MDGA2: variants seen among roughly 807,000 people sequenced by gnomAD.
MDGA2 encodes MAM domain-containing glycosylphosphatidylinositol anchor protein 2.
A neutral mutation model predicts 117.8 loss-of-function variants in MDGA2; 40 were observed. That is an observed-to-expected ratio of 0.34 (90% confidence interval 0.26 to 0.44). The LOEUF (loss-of-function observed/expected upper bound fraction) is 0.44, where lower values mean the gene tolerates loss of function less well. Ranked by LOEUF, MDGA2 falls within the 20% of genes least tolerant of loss-of-function variation. MDGA2 has a pLI of 1.00. For synonymous variants in MDGA2, 452 were observed against 439.0 expected (o/e 1.03, Z -0.37); for missense variants, 1,123 against 1,250.6 (o/e 0.90, Z 1.54).
At chr14:47,256,097 CTTTTTT>C (rs113355073) in intron 2 of MDGA2, among the ~76,000 whole-genome samples, 3 of 136,114 alleles carry the variant, frequency 2.2e-5, no homozygotes, top group African/African-American at 8.1e-5. Flanking sequence ...AATCAAATTT[CTTTTTT>C]TTTTTTTTTC....
chr14:47,026,421 G>T (rs1384383918), intron 8 of MDGA2, among the ~76,000 whole-genome samples: 2 of 151,832 alleles, frequency 1.3e-5, no homozygotes, highest in Non-Finnish European at 2.9e-5. Context: ...AGACCAAAAG[G>T]CATGGGTCTT....
At chr14:47,624,810 T>G (rs1436978203) in intron 1 of MDGA2, among the ~76,000 whole-genome samples, 1 of 152,158 alleles carries the variant, frequency 6.6e-6, no homozygotes, top group African/African-American at 2.4e-5. Flanking sequence ...AGATAAAAAC[T>G]GTAGTACATA....
rs546915645 is a variant in MDGA2 at position 47,565,953 on chromosome 14, G to T, written c.280+108564C>A. ...GTTTGGAGTGGGGGTGGTGTTGCTG[G>T]TGTCTGTGCATGTGTTTGCGCCAGC... On this transcript the variant is annotated intron_variant, in intron 1 of 16. Transcript: ENST00000399232. Among the ~76,000 whole-genome samples the T allele has an allele frequency of 5.3e-5, 8 of 152,330 alleles. No homozygotes were observed. The South Asian group carries it at 1.7e-3, about 32-fold the overall frequency.
chr14:47,101,380 A>C (rs1958095), intron 5 of MDGA2, among the ~76,000 whole-genome samples: 2 of 152,054 alleles, frequency 1.3e-5, no homozygotes, highest in African/African-American at 4.8e-5. Context: ...TGGCAAACAA[A>C]GTTTTCTTGG....
chr14:47,127,582 A>G (rs111259332), intron 5 of MDGA2, among the ~76,000 whole-genome samples: 19 of 152,208 alleles, frequency 1.2e-4, no homozygotes, highest in African/African-American at 4.6e-4. Context: ...TACTTACCAT[A>G]ATTCTAATAC....
At chr14:47,385,991 T>C (rs10467788) in intron 1 of MDGA2, among the ~76,000 whole-genome samples, 109,714 of 152,060 alleles carry the variant, frequency 0.72, 39,856 homozygotes, top group Middle Eastern at 0.82. Flanking sequence ...TATGAAAGCA[T>C]AGATTTCAGC....
intron 1 of MDGA2, among the ~76,000 whole-genome samples, chr14:47,417,940 C>T (rs1892506760): frequency 6.6e-6 from 1 of 152,116 alleles, no homozygotes; most frequent in African/African-American, 2.4e-5. Flanking sequence ...CCTCAAACTC[C>T]TGGGCTCATG....
At chr14:46,957,891 C>A (rs1490091951) in intron 8 of MDGA2, among the ~76,000 whole-genome samples, 1 of 152,178 alleles carries the variant, frequency 6.6e-6, no homozygotes, top group African/African-American at 2.4e-5. Flanking sequence ...CTAGAGCTGA[C>A]TGATCCTTCG....
chr14:47,033,046 T>G (rs1342420552), intron 8 of MDGA2, among the ~76,000 whole-genome samples: 1 of 152,196 alleles, frequency 6.6e-6, no homozygotes, highest in Non-Finnish European at 1.5e-5. Flanking sequence ...ACTTTGCCTG[T>G]GTCTATCGGT....
chr14:47,446,648 C>A (rs78869847), intron 1 of MDGA2, among the ~76,000 whole-genome samples: 1 of 151,746 alleles, frequency 6.6e-6, no homozygotes, highest in Non-Finnish European at 1.5e-5. Context: ...GTTTACATAA[C>A]GTTCAAAAAG....
intron 1 of MDGA2, among the ~76,000 whole-genome samples, chr14:47,567,373 G>A (rs1447231598): frequency 6.6e-6 from 1 of 152,082 alleles, no homozygotes; most frequent in African/African-American, 2.4e-5. Flanking sequence ...ACAACTGAAG[G>A]AAAAACACTT....
At chr14:47,179,217 T>G (rs939452158) in intron 3 of MDGA2, among the ~76,000 whole-genome samples, 1 of 152,162 alleles carries the variant, frequency 6.6e-6, no homozygotes, top group East Asian at 1.9e-4. Context: ...GTGTACAATA[T>G]TATATGGGGA....
chr14:47,180,777 C>T (rs1465105228), intron 3 of MDGA2, among the ~76,000 whole-genome samples: 3 of 151,934 alleles, frequency 2.0e-5, no homozygotes, highest in East Asian at 1.9e-4. Context: ...AAAAATTAGC[C>T]GGTCATGATG....
intron 1 of MDGA2, among the ~76,000 whole-genome samples, chr14:47,491,422 C>T (rs1894167319): frequency 6.6e-6 from 1 of 151,976 alleles, no homozygotes; most frequent in Non-Finnish European, 1.5e-5. Flanking sequence ...GAACTTTATC[C>T]TATTTGAAGC....
chr14:47,104,828 C>T (rs1015469891), intron 5 of MDGA2, among the ~76,000 whole-genome samples: 6 of 152,104 alleles, frequency 3.9e-5, no homozygotes. Flanking sequence ...ATTTCAAATC[C>T]GGTAAGCGGC....
intron 1 of MDGA2, among the ~76,000 whole-genome samples, chr14:47,495,571 A>G (rs1020811532): frequency 7.2e-5 from 11 of 152,184 alleles, no homozygotes; most frequent in Admixed American, 4.6e-4. Context: ...TATACCCCCT[A>G]TTTGCCATCT....
intron 10 of MDGA2, among the ~76,000 whole-genome samples, chr14:46,913,619 TTTG>T (rs1883788611): frequency 2.6e-5 from 4 of 152,196 alleles, no homozygotes; most frequent in Admixed American, 2.0e-4. Flanking sequence ...ACATATCTTT[TTTG>T]CTTATTACTT....
intron 2 of MDGA2, among the ~76,000 whole-genome samples, chr14:47,297,024 A>G (rs535655230): frequency 6.6e-6 from 1 of 152,314 alleles, no homozygotes; most frequent in Admixed American, 6.5e-5. Context: ...TCTAATGTGA[A>G]GGGATCTGAG....
intron 6 of MDGA2, among the ~76,000 whole-genome samples, chr14:47,093,742 T>TA (rs1044740460): frequency 2.5e-4 from 38 of 152,242 alleles, no homozygotes; most frequent in Admixed American, 2.2e-3. Flanking sequence ...TCTCTATTTT[T>TA]AAAAAAGTAG....
Sources: gnomAD v4.1 joint callset for allele counts (sites outside exome capture counted in the v4.1 genomes callset) on GRCh38, gnomAD v4.1.1 for gene constraint, MANE v1.5 for transcripts, NCBI Gene and HGNC (gene_info 2026-07-23, HGNC 2026-07-21) for gene names.